The following NDST1 variants were observed in gnomAD, a reference collection of about 807,000 sequenced individuals.
NDST1 encodes N-deacetylase and N-sulfotransferase 1, also known as bifunctional heparan sulfate N-deacetylase/N-sulfotransferase 1.
In NDST1, 35 loss-of-function variants were observed where a neutral mutation model predicts 92.8. That is an observed-to-expected ratio of 0.38 (90% CI 0.29 to 0.50). The LOEUF is 0.50. NDST1 is among the 20% of genes least tolerant of loss of function. The probability of loss-of-function intolerance (pLI) is 0.94; values close to 1 mark genes in which losing one functional copy is unlikely to be tolerated. For synonymous variants in NDST1, 493 were observed against 500.3 expected, an observed-to-expected ratio of 0.99 and a Z score of 0.19; for missense variants, 822 against 1,182.7, an observed-to-expected ratio of 0.69 and a Z score of 4.47.
upstream of NDST1, among the ~76,000 whole-genome samples, chr5:150,506,552 C>G (rs912319761): frequency 1.3e-5 from 2 of 152,186 alleles, no homozygotes; most frequent in Non-Finnish European, 2.9e-5. Flanking sequence ...TTTTTAGAGT[C>G]TCGCTGAGGC....
Position 150,553,176 on chromosome 5 carries a change from T to A in NDST1, c.2530-37T>A. ...ATTTTTAGAGGAGGTCACTCTTAAG[T>A]CAGTACACAAGGTCTGAGCTTTCCT... On this transcript the variant is annotated intron_variant, in intron 14 of 14. Transcript: ENST00000261797. This position sits in a 1 kb window ranked among gnomAD's most constrained non-coding sequence, Gnocchi z 4.2. 1.2e-6 allele frequency: 2 copies of A among 1,605,792 alleles called. No individual in the cohort carries two copies. The highest frequency in any genetic ancestry group is 1.7e-6 in the Non-Finnish European group (2 of 1,174,536).
At chr5:150,499,106 G>A (rs959264011) in intron 1 of NDST1, among the ~76,000 whole-genome samples, 1 of 152,228 alleles carries the variant, frequency 6.6e-6, no homozygotes, top group African/African-American at 2.4e-5. Flanking sequence ...CCTCTACTGA[G>A]CTCCACAGTG....
intron 1 of NDST1, among the ~76,000 whole-genome samples, chr5:150,511,727 CT>C (rs1376416534): frequency 6.6e-6 from 1 of 151,968 alleles, no homozygotes; most frequent in Non-Finnish European, 1.5e-5. Flanking sequence ...CCAGGCAGCA[CT>C]GTGGGGGTGA....
chr5:150,504,983 A>G (rs186038334), upstream of NDST1, among the ~76,000 whole-genome samples: 1 of 152,318 alleles, frequency 6.6e-6, no homozygotes, highest in Non-Finnish European at 1.5e-5. Context: ...TTGGGAAGCC[A>G]CTTATCCTCT....
upstream of NDST1, among the ~76,000 whole-genome samples, chr5:150,504,114 G>C (rs1016588719): frequency 6.6e-6 from 1 of 152,108 alleles, no homozygotes; most frequent in Non-Finnish European, 1.5e-5. Context: ...CTTCACTGGT[G>C]CCCAGGCATG....
At chr5:150,499,163 C>T (rs1561583496) in intron 1 of NDST1, among the ~76,000 whole-genome samples, 2 of 152,350 alleles carry the variant, frequency 1.3e-5, no homozygotes, top group East Asian at 3.9e-4. Context: ...ACTGGCAGGC[C>T]ACATTTGCCC....
intron 1 of NDST1, among the ~76,000 whole-genome samples, chr5:150,501,062 C>G (rs1015800470): frequency 6.6e-6 from 1 of 152,100 alleles, no homozygotes; most frequent in African/African-American, 2.4e-5. Context: ...TGCAAATTAC[C>G]CCTCAAACAT....
intron 4 of NDST1, among the ~76,000 whole-genome samples, chr5:150,534,046 G>A (rs952614230): frequency 8.6e-5 from 13 of 151,112 alleles, no homozygotes; most frequent in Non-Finnish European, 1.2e-4. Flanking sequence ...TCGCACAACT[G>A]TACTCCTGCC....
chr5:150,528,162 A>G lies in NDST1; in HGVS notation c.872A>G (p.Lys291Arg), dbSNP rs1237283391. 5.0e-6 allele frequency: 8 copies of G among 1,614,100 alleles called. No homozygotes were observed. The highest frequency in any genetic ancestry group is 8.5e-7 in the Non-Finnish European group (1 of 1,180,046). The change falls in exon 3 of 15, where the codon AAG becomes AGG. Residue 291 changes from lysine to arginine, a missense_variant. By Grantham distance (26) the Lys-to-Arg change is conservative. Coordinates refer to ENST00000261797, the MANE Select transcript of NDST1 (RefSeq NM_001543.5). Reference protein sequence around the residue: ...FGNNLNFWLHKLVFVDAVAFL... With the variant: ...FGNNLNFWLHRLVFVDAVAFL... The stretch of plus-strand genomic sequence containing the variant: ...AACAACCTGAACTTCTGGCTGCACA[A>G]GCTTGTCTTCGTGGATGCCGTGGCC...
chr5:150,501,974 C>T (rs372763248), intron 1 of NDST1, among the ~76,000 whole-genome samples: 53 of 152,142 alleles, frequency 3.5e-4, no homozygotes, highest in South Asian at 1.9e-3. Flanking sequence ...AGGGCAAAGG[C>T]GCTGGAACTG....
intron 1 of NDST1, among the ~76,000 whole-genome samples, chr5:150,513,033 T>C (rs1753793573): frequency 6.6e-6 from 1 of 152,088 alleles, no homozygotes; most frequent in Non-Finnish European, 1.5e-5. Flanking sequence ...GGATACCTTG[T>C]CTGTATTAAA....
chr5:150,500,899 A>G (rs1177644252), intron 1 of NDST1, among the ~76,000 whole-genome samples: 1 of 152,182 alleles, frequency 6.6e-6, no homozygotes, highest in Non-Finnish European at 1.5e-5. Flanking sequence ...ATGCCAGGCA[A>G]GGCCACACTC....
rs558568307 is a variant in NDST1, at chr5:150,498,548, C to G, written c.-388+309C>G. Among the ~76,000 whole-genome samples, 11 of 152,234 alleles carry G rather than the reference C, an allele frequency of 7.2e-5. No homozygotes were observed. In the East Asian group the frequency reaches 9.7e-4, roughly 13 times the overall value. On this transcript the variant is annotated intron_variant, in intron 1 of 1. Coordinates refer to the NDST1 transcript ENST00000518299. The stretch of plus-strand genomic sequence containing the variant: ...GGTGGGCAGGGGAGGTAGGGGAAAC[C>G]CTTTCTGCATTCTGGGACTCCCTAG...
At position 150,540,272 on chromosome 5, in the gene NDST1, G is replaced by T. The variant is rs370928116; in HGVS notation, c.1749+8G>T. 2 of 1,597,012 alleles carry T rather than the reference G, an allele frequency of 1.3e-6. No individual in the cohort carries two copies. Among genetic ancestry groups the T allele is most frequent in the African/African-American group, 1.3e-5 (1 of 74,822 alleles). The stretch of plus-strand genomic sequence containing the variant: ...AAGGACCCGCTCTGGCAGGTGGGGG[G>T]CTGGGCAGCCTGGGCAGGTTGCTAC... On this transcript the variant is annotated splice_region_variant and intron_variant, in intron 8 of 14. Transcript: ENST00000261797.
At chr5:150,545,991 C>CTTTTT (rs34937690) in intron 11 of NDST1, among the ~76,000 whole-genome samples, 10 of 83,690 alleles carry the variant, frequency 1.2e-4, no homozygotes, top group Non-Finnish European at 1.8e-4. Context: ...CCAGAGCTGT[C>CTTTTT]TTTTTTTTTT....
At chr5:150,500,858 G>A (rs953070449) in intron 1 of NDST1, among the ~76,000 whole-genome samples, 1 of 152,248 alleles carries the variant, frequency 6.6e-6, no homozygotes, top group Non-Finnish European at 1.5e-5. Flanking sequence ...TTGAGTGGGT[G>A]GAAAGCTGGG....
chr5:150,533,086 C>A, intron 4 of NDST1, 54 bp downstream of exon 4: 1 of 1,533,150 alleles, frequency 6.5e-7, no homozygotes, highest in Non-Finnish European at 9.0e-7. Flanking sequence ...CCTCAGCACC[C>A]AAACCCTCAA....
chr5:150,546,531 C>T (rs144664613), intron 11 of NDST1, among the ~76,000 whole-genome samples: 76 of 152,336 alleles, frequency 5.0e-4, no homozygotes, highest in African/African-American at 1.8e-3. Flanking sequence ...GTTAACCCAG[C>T]AGACCAGGCC....
chr5:150,506,517 A>G (rs542102250), upstream of NDST1, among the ~76,000 whole-genome samples: 17 of 152,180 alleles, frequency 1.1e-4, no homozygotes, highest in Admixed American at 7.2e-4. Context: ...GGCCCCATGA[A>G]CTGTTCTGGA....
Sources: gnomAD v4.1 joint callset for allele counts (sites outside exome capture counted in the v4.1 genomes callset) on GRCh38, gnomAD v4.1.1 for gene constraint, Gnocchi (gnomAD v3.1) non-coding constraint, MANE v1.5 for transcripts, NCBI Gene and HGNC (gene_info 2026-07-23, HGNC 2026-07-21) for gene names.